The following MYO10 variants were observed in gnomAD, a reference collection of about 807,000 sequenced individuals.
The protein encoded by MYO10 is myosin X.
A neutral mutation model predicts 257.3 loss-of-function variants in MYO10; 133 were observed. That is an observed-to-expected ratio of 0.52 (90% CI 0.45 to 0.60). The LOEUF (loss-of-function observed/expected upper bound fraction) is 0.60. Ranked by LOEUF, MYO10 falls within the 20% of genes least tolerant of loss-of-function variation. The probability of loss-of-function intolerance (pLI) is 0.00; values close to 1 mark genes in which losing one functional copy is unlikely to be tolerated. For synonymous variants in MYO10, 1,104 were observed against 1,028.6 expected, an observed-to-expected ratio of 1.07 and a Z score of -1.40; for missense variants, 2,399 against 2,635.7, an observed-to-expected ratio of 0.91 and a Z score of 1.97.
rs1554039280 is a variant in MYO10 at position 16,720,014 on chromosome 5, G to GTGTT, written c.1930-8770_1930-8769insAACA. On this transcript the variant is annotated intron_variant, in intron 19 of 40. Transcript: ENST00000513610. ...CGTGTGTGTGTGTGTGTGTGTGTGT[G>GTGTT]TGTGTGTGTATATGTATGTATGTAT... is the stretch of plus-strand genomic sequence containing the variant. Among the ~76,000 whole-genome samples the GTGTT allele has an allele frequency of 4.1e-5, 6 of 146,672 alleles. 1 individual carries two copies. Among genetic ancestry groups the GTGTT allele is most frequent in the Admixed American group, 3.3e-4 (5 of 14,970 alleles).
chr5:16,850,759 G>A (rs1002418204), intron 2 of MYO10, among the ~76,000 whole-genome samples: 2 of 131,022 alleles, frequency 1.5e-5, no homozygotes, highest in African/African-American at 5.7e-5. Flanking sequence ...AAGGGGGCTG[G>A]TCTAGGTTTT....
intron 1 of MYO10, among the ~76,000 whole-genome samples, chr5:16,886,569 T>C (rs1230342832): frequency 1.3e-5 from 2 of 152,250 alleles, no homozygotes; most frequent in Non-Finnish European, 2.9e-5. Context: ...CAGCTATTTA[T>C]AGCTTTCAGC....
At position 16,666,401 on chromosome 5, in the gene MYO10, T is replaced by G; in HGVS notation, c.*291A>C. 1 of 354,934 alleles carries G rather than the reference T, an allele frequency of 2.8e-6. No homozygotes were observed. The highest frequency in any genetic ancestry group is 5.1e-6 in the Non-Finnish European group (1 of 196,984). The allele number at this position is 354,934 out of a possible 1,614,324, so 22.0% of individuals were successfully genotyped here. ...TGTTGGTTCCACAAGTTAAGGCACT[T>G]CCGGCTGCTTTGGTGGCAGCGTGGT... On this transcript the variant is annotated 3_prime_UTR_variant, in exon 41 of 41. Coordinates refer to ENST00000513610, the MANE Select transcript of MYO10 (RefSeq NM_012334.3).
chr5:16,920,247 C>T (rs1651098481), intron 1 of MYO10, among the ~76,000 whole-genome samples: 1 of 152,162 alleles, frequency 6.6e-6, no homozygotes, highest in Non-Finnish European at 1.5e-5. Context: ...GCACTCCAGC[C>T]TGAGTGACAG....
intron 9 of MYO10, among the ~76,000 whole-genome samples, chr5:16,771,336 C>T (rs757548973): frequency 4.6e-5 from 7 of 151,874 alleles, no homozygotes; most frequent in African/African-American, 1.7e-4. Context: ...GTTGTTAGTA[C>T]TATAAATTAG....
At chr5:16,810,957 T>C (rs1350618106) in intron 3 of MYO10, among the ~76,000 whole-genome samples, 1 of 149,582 alleles carries the variant, frequency 6.7e-6, no homozygotes, top group Non-Finnish European at 1.5e-5. Context: ...TAATCCCAGC[T>C]ACTCAGGAGA....
intron 4 of MYO10, among the ~76,000 whole-genome samples, chr5:16,783,733 G>A (rs1462576355): frequency 1.3e-5 from 2 of 152,200 alleles, no homozygotes; most frequent in East Asian, 1.9e-4. Context: ...GTCATAAGAT[G>A]TATGGTGCCT....
At chr5:16,777,682 A>G (rs536726609) in intron 9 of MYO10, among the ~76,000 whole-genome samples, 13 of 152,144 alleles carry the variant, frequency 8.5e-5, no homozygotes, top group Non-Finnish European at 2.9e-5. Flanking sequence ...GAGTCTTAGA[A>G]TGGAGACAAC....
intron 27 of MYO10, among the ~76,000 whole-genome samples, chr5:16,692,878 T>C (rs1027944708): frequency 6.6e-6 from 1 of 152,222 alleles, no homozygotes; most frequent in African/African-American, 2.4e-5. Context: ...TTAAGCAGCA[T>C]ACAAAGTGAG....
chr5:16,827,817 G>A (rs1743046135), intron 2 of MYO10, among the ~76,000 whole-genome samples: 1 of 152,158 alleles, frequency 6.6e-6, no homozygotes, highest in African/African-American at 2.4e-5. Context: ...GCATGCATCA[G>A]ACATTGCTAA....
intron 2 of MYO10, among the ~76,000 whole-genome samples, chr5:16,834,288 C>T (rs1023056441): frequency 6.6e-6 from 1 of 152,160 alleles, no homozygotes; most frequent in Non-Finnish European, 1.5e-5. Flanking sequence ...TAGTAATCAT[C>T]AATCAAGGAG....
intron 1 of MYO10, among the ~76,000 whole-genome samples, chr5:16,893,782 G>A (rs1745140650): frequency 6.6e-6 from 1 of 152,066 alleles, no homozygotes; most frequent in African/African-American, 2.4e-5. Context: ...AAATAAGTGG[G>A]GGCAGCACTT....
At chr5:16,922,622 A>G (rs976283411) in intron 1 of MYO10, among the ~76,000 whole-genome samples, 3 of 152,162 alleles carry the variant, frequency 2.0e-5, no homozygotes, top group Non-Finnish European at 2.9e-5. Flanking sequence ...CAGCAGGTCC[A>G]TGGTCACCGT....
At chr5:16,794,014 C>A (rs932170414) in intron 4 of MYO10, among the ~76,000 whole-genome samples, 2 of 151,794 alleles carry the variant, frequency 1.3e-5, no homozygotes, top group African/African-American at 4.8e-5. Context: ...CTAATAGTTT[C>A]TTTGTAAAAG....
intron 3 of MYO10, among the ~76,000 whole-genome samples, chr5:16,798,220 G>A (rs1325381099): frequency 2.0e-5 from 3 of 152,106 alleles, no homozygotes; most frequent in Non-Finnish European, 4.4e-5. Flanking sequence ...CCAGTGTGTG[G>A]TATCCTGTTT....
At chr5:16,798,354 G>GA (rs35259359) in intron 3 of MYO10, among the ~76,000 whole-genome samples, 79,796 of 151,538 alleles carry the variant, frequency 0.53, 21,302 homozygotes, top group South Asian at 0.66. Flanking sequence ...ACCTTAATTA[G>GA]AAAAAAAAGA....
chr5:16,901,159 T>C (rs60434528), intron 1 of MYO10, among the ~76,000 whole-genome samples: 33,863 of 151,988 alleles, frequency 0.22, 4,960 homozygotes, highest in African/African-American at 0.41. Context: ...TTCTCAGCTC[T>C]CACCCAGGCT....
At position 16,772,915 on chromosome 5, in the gene MYO10, T is replaced by TG. The variant is rs557476012; in HGVS notation, c.931-3713dup. Among the ~76,000 whole-genome samples the TG allele has an allele frequency of 5.3e-5, 8 of 152,098 alleles. No individual in the cohort carries two copies. In the East Asian group the frequency reaches 7.7e-4, roughly 15 times the overall value. On this transcript the variant is annotated intron_variant, in intron 9 of 40. Coordinates refer to ENST00000513610, the MANE Select transcript of MYO10 (RefSeq NM_012334.3). The stretch of plus-strand genomic sequence containing the variant: ...ATCAGTAGTTTCCTAGGGCCAGGTG[T>TG]GGGGGGGTTGGGATTGCCTGGGAAG...
intron 2 of MYO10, among the ~76,000 whole-genome samples, chr5:16,855,118 T>C (rs1487837609): frequency 6.6e-6 from 1 of 152,184 alleles, no homozygotes; most frequent in Non-Finnish European, 1.5e-5. Context: ...AAATCCTAGG[T>C]GCTAAAATGT....
Sources: gnomAD v4.1 joint callset for allele counts (sites outside exome capture counted in the v4.1 genomes callset) on GRCh38, gnomAD v4.1.1 for gene constraint, MANE v1.5 for transcripts, NCBI Gene and HGNC (gene_info 2026-07-23, HGNC 2026-07-21) for gene names.